NIN: variants seen among roughly 807,000 people sequenced by gnomAD.
NIN encodes ninein.
A neutral mutation model predicts 257.6 loss-of-function variants in NIN; 137 were observed. The ratio of observed to expected loss-of-function variants is 0.53; its 90% CI spans 0.46 to 0.61. The LOEUF is 0.61. NIN is among the 20% of genes least tolerant of loss of function. The pLI is 0.00. For missense variants in NIN, 2,439 were observed against 2,501.2 expected, an observed-to-expected ratio of 0.98 and a Z score of 0.53; for synonymous variants, 918 against 919.8, an observed-to-expected ratio of 1.00 and a Z score of 0.04.
At chr14:50,800,003 C>A (rs2044017427) in intron 4 of NIN, among the ~76,000 whole-genome samples, 1 of 89,938 alleles carries the variant, frequency 1.1e-5, no homozygotes, top group South Asian at 3.8e-4. Flanking sequence ...AATATATATA[C>A]ACATACACAC....
chr14:50,725,294 G>C (rs568366963), intron 30 of NIN, among the ~76,000 whole-genome samples: 9 of 152,014 alleles, frequency 5.9e-5, no homozygotes, highest in Non-Finnish European at 1.2e-4. Context: ...CTCTCCCAGA[G>C]GGTAGTACTT....
At chr14:50,805,632 T>C (rs750440686) in intron 4 of NIN, among the ~76,000 whole-genome samples, 3 of 152,214 alleles carry the variant, frequency 2.0e-5, no homozygotes, top group African/African-American at 7.2e-5. Flanking sequence ...CTCACCTAAA[T>C]AGGTCACAGT....
At chr14:50,779,043 T>G (rs1270271316) in intron 5 of NIN, among the ~76,000 whole-genome samples, 2 of 152,230 alleles carry the variant, frequency 1.3e-5, no homozygotes, top group Non-Finnish European at 2.9e-5. Flanking sequence ...GGATTTGTCC[T>G]CATTTGCTAG....
At position 50,757,041 on chromosome 14, in the gene NIN, CCTTGAAGT is replaced by C; in HGVS notation, c.3981_3988del (p.Leu1328GlnfsTer3). ...GCTTTCCTGAAGCTTCTCAATCTTG[CCTTGAAGT>C]CTCAAAACCAGAACATTCAGCCCCT... On this transcript the variant is annotated frameshift_variant, in exon 18 of 31. Coordinates refer to ENST00000530997, the MANE Select transcript of NIN (RefSeq NM_020921.4). LOFTEE classifies it high-confidence loss of function. 6.2e-7 allele frequency: 1 copy of C among 1,613,556 alleles called. No homozygotes were observed. The highest frequency in any genetic ancestry group is 8.5e-7 in the Non-Finnish European group (1 of 1,179,814).
chr14:50,729,050 A>G (rs2040556143), intron 29 of NIN, among the ~76,000 whole-genome samples: 2 of 152,168 alleles, frequency 1.3e-5, no homozygotes, highest in East Asian at 1.9e-4. Flanking sequence ...TATTTTTGGC[A>G]TGGGATGGGA....
In NIN at chr14:50,756,649, A is replaced by G. The variant is rs367935214; in HGVS notation, c.4381T>C (p.Leu1461=). ...TTCAACTTCCTAGTCAGCTCCTGTA[A>G]CTTTGTTTTCTCCAGTTCTAACTCT... ...IAELELEKTK[L]QELTRKLKER... is the part of the protein sequence containing the mutation. The change falls in exon 18 of 31, where the codon TTA becomes CTA. Residue 1461 remains leucine (L), a synonymous_variant. Transcript: ENST00000530997. 5.8e-6 allele frequency: 9 copies of G among 1,554,182 alleles called. No homozygotes were observed. In the African/African-American group the frequency reaches 6.8e-5, roughly 12 times the overall value.
chr14:50,781,062 C>T (rs2043116573), intron 5 of NIN, among the ~76,000 whole-genome samples: 1 of 152,182 alleles, frequency 6.6e-6, no homozygotes, highest in Non-Finnish European at 1.5e-5. Context: ...GTCTGTCCCT[C>T]CACATTTATT....
chr14:50,814,634 C>T (rs1348924161), intron 3 of NIN, among the ~76,000 whole-genome samples: 5 of 152,320 alleles, frequency 3.3e-5, no homozygotes, highest in Non-Finnish European at 7.3e-5. Flanking sequence ...CTACCCACTT[C>T]AAACTGTACT....
In NIN at chr14:50,829,895, G is replaced by T. The variant is rs138252843; in HGVS notation, c.-22+569C>A. ...CTTCGGTAGCTACAGAAGCCTAGCC[G>T]CTGGAAGCTTCCTTCCCCGACACTC... On this transcript the variant is annotated intron_variant, in intron 2 of 30. Coordinates refer to ENST00000530997, the MANE Select transcript of NIN (RefSeq NM_020921.4). Among the ~76,000 whole-genome samples the T allele has an allele frequency of 3.0e-3, 454 of 152,258 alleles. 4 individuals are homozygous for T. Among genetic ancestry groups the T allele is most frequent in the African/African-American group, 0.01 (418 of 41,532 alleles).
chr14:50,790,910 T>C (rs932033249), intron 5 of NIN, among the ~76,000 whole-genome samples: 19 of 152,158 alleles, frequency 1.2e-4, no homozygotes, highest in African/African-American at 4.3e-4. Flanking sequence ...ATAAGAAACA[T>C]GTTGCCAGCA....
intron 25 of NIN, among the ~76,000 whole-genome samples, chr14:50,741,199 T>C (rs1441263671): frequency 1.3e-5 from 2 of 152,244 alleles, no homozygotes; most frequent in Admixed American, 6.5e-5. Flanking sequence ...TTCTCTACCA[T>C]TTAAGAAAAT....
chr14:50,757,737 A>T lies in NIN; in HGVS notation c.3293T>A (p.Leu1098Ter). 6.2e-7 allele frequency: 1 copy of T among 1,614,180 alleles called. No individual in the cohort carries two copies. Among genetic ancestry groups the T allele is most frequent in the South Asian group, 1.1e-5 (1 of 91,082 alleles). ...ISRLQQRLQK[L>*]EPGLVMSSCL... is the part of the protein sequence containing the mutation. ...AGAAGACATTACTAACCCTGGCTCT[A>T]ACTTTTGTAGCCTCTGTTGCAATCT... Residue 1098 changes from leucine (L) to a stop codon, truncating the protein, a stop_gained, in exon 18 of 31, where the codon TTA becomes TAA. Coordinates refer to ENST00000530997, the MANE Select transcript of NIN (RefSeq NM_020921.4). LOFTEE classifies it high-confidence loss of function.
At chr14:50,752,204 T>A (rs1356162241) in intron 21 of NIN, among the ~76,000 whole-genome samples, 1 of 151,966 alleles carries the variant, frequency 6.6e-6, no homozygotes, top group Non-Finnish European at 1.5e-5. Flanking sequence ...AAGTTTATCC[T>A]TGTGCATGGA....
chr14:50,791,812 C>CACAA (rs1555388925), intron 5 of NIN, among the ~76,000 whole-genome samples: 30,654 of 150,492 alleles, frequency 0.2, 4,082 homozygotes, highest in African/African-American at 0.38. Flanking sequence ...CACGCGCACA[C>CACAA]ACACACACAC....
At chr14:50,770,684 AC>A in intron 11 of NIN, 122 bp from the exon 12 acceptor site, 2 of 1,364,250 alleles carry the variant, frequency 1.5e-6, no homozygotes, top group Non-Finnish European at 1.0e-6. Flanking sequence ...TATCTAGTGT[AC>A]CCTGCTTTCC....
At chr14:50,825,670 T>A (rs1566887484) in intron 2 of NIN, among the ~76,000 whole-genome samples, 3 of 152,194 alleles carry the variant, frequency 2.0e-5, no homozygotes, top group African/African-American at 7.2e-5. Flanking sequence ...TGAATTATAT[T>A]ATCCCTCAAT....
intron 21 of NIN, 24 bp downstream of exon 21, chr14:50,752,494 C>T (rs747292702): frequency 3.2e-6 from 5 of 1,545,114 alleles, no homozygotes; most frequent in Non-Finnish European, 4.4e-6. Context: ...TCAAAAAAAG[C>T]TGTCAGGTGG....
rs781307106 is a variant in NIN at position 50,723,613 on chromosome 14, C to A, written c.6252G>T (p.Gln2084His). ...MVKDLYVENA[Q>H]LLKALEVTEQ... ...CAGTCACTTCCAGAGCTTTCAACAA[C>A]TGGGCATTTTCAACATACAAGTCCT... The change falls in exon 31 of 31, where the codon CAG becomes CAT. Residue 2084 changes from glutamine to histidine, a missense_variant. This residue lies in a region of NIN where 2,043 missense variants were observed against 2,050.2 expected (regional missense o/e 1.00). Transcript: ENST00000530997. 2.5e-6 allele frequency: 4 copies of A among 1,613,884 alleles called. No homozygotes were observed. The East Asian group carries it at 8.9e-5, about 36-fold the overall frequency.
In NIN at chr14:50,758,334, T is replaced by C; in HGVS notation, c.2696A>G (p.Lys899Arg). The C allele has an allele frequency of 3.1e-6, 5 of 1,614,282 alleles. No homozygotes were observed. Among genetic ancestry groups the C allele is most frequent in the Non-Finnish European group, 4.2e-6 (5 of 1,180,048 alleles). ...GCTGTTCAAATGTTCTTTGTATGTT[T>C]TCTCCAGCATCTCTCTCTCCTGGGT... ...VLTQEREMLE[K>R]TYKEHLNSMV... The change falls in exon 18 of 31, where the codon AAA (lysine) becomes AGA (arginine). Residue 899 changes from lysine to arginine, a missense_variant. Around this residue, in one of 3 missense-constraint regions of NIN, gnomAD observed 2,043 missense variants for 2,050.2 expected, o/e 1.00. Transcript: ENST00000530997.
Sources: gnomAD v4.1 joint callset for allele counts (sites outside exome capture counted in the v4.1 genomes callset) on GRCh38, gnomAD v4.1.1 for gene constraint, gnomAD v4.1.1 regional missense constraint, MANE v1.5 for transcripts, NCBI Gene and HGNC (gene_info 2026-07-23, HGNC 2026-07-21) for gene names.